The following SLC1A6 variants were observed in gnomAD, a reference collection of about 807,000 sequenced individuals.
SLC1A6 encodes the protein solute carrier family 1 member 6.
SLC1A6 carries 15 observed loss-of-function variants against 42.1 expected under a neutral mutation model. That is an observed-to-expected ratio of 0.36 (90% CI 0.24 to 0.55). The LOEUF (loss-of-function observed/expected upper bound fraction) is 0.55, where lower values mean the gene tolerates loss of function less well. SLC1A6 is among the 20% of genes least tolerant of loss of function. The probability of loss-of-function intolerance (pLI) is 0.88; values close to 1 mark genes in which losing one functional copy is unlikely to be tolerated. For missense variants in SLC1A6, 542 were observed against 772.5 expected, an observed-to-expected ratio of 0.70 and a Z score of 3.54; for synonymous variants, 317 against 319.7, an observed-to-expected ratio of 0.99 and a Z score of 0.09.
At chr19:15,006,780 G>A (rs1600044149) in intron 1 of SLC1A6, among the ~76,000 whole-genome samples, 1 of 144,202 alleles carries the variant, frequency 6.9e-6, no homozygotes, top group Admixed American at 6.9e-5. Flanking sequence ...AAAAGAAAAA[G>A]AAAAGAAAAG....
chr19:14,992,459 G>C (rs2045825039), intron 1 of SLC1A6, among the ~76,000 whole-genome samples: 1 of 152,020 alleles, frequency 6.6e-6, no homozygotes, highest in South Asian at 2.1e-4. Context: ...GCAGGGTCAC[G>C]GCCGGGTGTA....
chr19:14,971,990 A>C, intron 2 of SLC1A6, 116 bp from the exon 3 acceptor site: 1 of 943,598 alleles, frequency 1.1e-6, no homozygotes, highest in Admixed American at 2.3e-5. Flanking sequence ...GAAATATCCT[A>C]TGAGTGTGTG....
intron 1 of SLC1A6, among the ~76,000 whole-genome samples, chr19:14,988,668 C>T (rs1306346407): frequency 6.6e-6 from 1 of 152,144 alleles, no homozygotes; most frequent in East Asian, 1.9e-4. Context: ...TCTGTTGCAA[C>T]AACTTGGATG....
intron 1 of SLC1A6, among the ~76,000 whole-genome samples, chr19:14,986,132 C>T (rs1163172317): frequency 6.6e-6 from 1 of 151,398 alleles, no homozygotes; most frequent in Admixed American, 6.6e-5. Context: ...GAGACAGCTA[C>T]CATGATACTT....
At chr19:14,994,594 G>A (rs1228486079) in intron 1 of SLC1A6, among the ~76,000 whole-genome samples, 1 of 152,174 alleles carries the variant, frequency 6.6e-6, no homozygotes, top group Non-Finnish European at 1.5e-5. Flanking sequence ...CCAGAAGGTG[G>A]ATTTTTGTGG....
At position 14,951,360 on chromosome 19, in the gene SLC1A6, A is replaced by G. The variant is rs531319458; in HGVS notation, c.1500-970T>C. ...AAGCACATAGAATCCGGAATGGTAAACCAGGGCAGGCCTGAGTCAATACAG... is the reference window on the plus strand; with the variant it reads ...AAGCACATAGAATCCGGAATGGTAAGCCAGGGCAGGCCTGAGTCAATACAG... On this transcript the variant is annotated intron_variant, in intron 9 of 9. Transcript: ENST00000594383. 5.3e-5 allele frequency among the ~76,000 whole-genome samples: 8 copies of G among 152,234 alleles called. No homozygotes were observed. The South Asian group carries it at 1.7e-3, about 32-fold the overall frequency.
intron 8 of SLC1A6, among the ~76,000 whole-genome samples, 190 bp from the exon 9 acceptor site, chr19:14,953,252 C>A (rs114859274): frequency 1.4e-5 from 2 of 139,156 alleles, no homozygotes; most frequent in African/African-American, 5.4e-5. Flanking sequence ...GATCCCCACC[C>A]ACCCCGCCCC....
intron 1 of SLC1A6, among the ~76,000 whole-genome samples, chr19:14,990,458 G>A (rs942798437): frequency 1.3e-5 from 2 of 152,176 alleles, no homozygotes; most frequent in African/African-American, 2.4e-5. Context: ...AAAGGATACC[G>A]AATTTCAGTT....
chr19:14,979,050 TCACACACACACACACACACACACACACA>T lies in SLC1A6; in HGVS notation c.-8+231_-8+258del, dbSNP rs56317513. Among the ~76,000 whole-genome samples, 1 of 131,298 alleles carries T rather than the reference TCACACACACACACACACACACACACACA, an allele frequency of 7.6e-6. No individual in the cohort carries two copies. The highest frequency in any genetic ancestry group is 1.6e-5 in the Non-Finnish European group (1 of 61,950). The allele number at this position is 131,298 out of a possible 152,430, so 86.1% of individuals were successfully genotyped here. ...CAAATTCAGTCTCTCTCTCTCTCTG[TCACACACACACACACACACACACACACA>T]CACACACACACACACACACTAATGC... On this transcript the variant is annotated intron_variant, in intron 1 of 9. Coordinates refer to ENST00000594383, the MANE Select transcript of SLC1A6 (RefSeq NM_005071.3). The surrounding 1 kb of genome is among the most constrained non-coding windows in gnomAD (Gnocchi z 4.2).
rs1295328009 is a variant in SLC1A6, at chr19:14,999,366, AGCC to A, written c.6+11116_6+11118del. On this transcript the variant is annotated intron_variant, in intron 1 of 8. Coordinates refer to the SLC1A6 transcript ENST00000430939. ...TCTTTGAATCCACCTATGACCTGGA[AGCC>A]CCCCAACTCCTACCCACCTCAAGTT... Among the ~76,000 whole-genome samples the A allele has an allele frequency of 2.6e-5, 4 of 152,158 alleles. No individual in the cohort carries two copies. The East Asian group carries it at 5.8e-4, about 22-fold the overall frequency.
At chr19:14,951,253 C>CAAAAAAAAAAAAAAAAAAA (rs1164185118) in intron 9 of SLC1A6, among the ~76,000 whole-genome samples, 2 of 86,860 alleles carry the variant, frequency 2.3e-5, no homozygotes, top group African/African-American at 4.6e-5. Flanking sequence ...CTCTGTCTCA[C>CAAAAAAAAAAAAAAAAAAA]AAAAAAAAAA....
At position 15,003,660 on chromosome 19, in the gene SLC1A6, CA is replaced by C. The variant is rs371118940; in HGVS notation, c.6+6824del. 2.2e-3 allele frequency among the ~76,000 whole-genome samples: 273 copies of C among 121,942 alleles called. 2 individuals are homozygous for C. The highest frequency in any genetic ancestry group is 4.5e-3 in the Middle Eastern group (1 of 222). The allele number at this position is 121,942 out of a possible 152,430, so 80.0% of individuals were successfully genotyped here. On this transcript the variant is annotated intron_variant, in intron 1 of 8. Coordinates refer to the SLC1A6 transcript ENST00000430939. ...AGCGAAGGGCATCTCCATGTAATGC[CA>C]AAAAAAAAAAAAAGAAAGAAAAGAA...
At chr19:14,975,862 A>G in intron 1 of SLC1A6, among the ~76,000 whole-genome samples, 1 of 69,380 alleles carries the variant, frequency 1.4e-5, no homozygotes, top group Admixed American at 1.6e-4. Flanking sequence ...AAGGGAAGGG[A>G]AGGGAAGGAA....
intron 1 of SLC1A6, chr19:14,978,256 C>G (rs62113317): frequency 6.6e-6 from 1 of 152,086 alleles, no homozygotes; most frequent in Non-Finnish European, 1.5e-5. Flanking sequence ...TGGGCTGCTT[C>G]TCGGAGCCTC....
intron 3 of SLC1A6, 137 bp downstream of exon 3, chr19:14,971,600 G>C (rs2285980): frequency 0.54 from 458,298 of 846,028 alleles, 125,727 homozygotes; most frequent in East Asian, 0.69. Context: ...GGCCAAGGAC[G>C]CTGGACCAGA....
At chr19:14,988,221 G>A (rs1196998241) in intron 1 of SLC1A6, among the ~76,000 whole-genome samples, 3 of 152,184 alleles carry the variant, frequency 2.0e-5, no homozygotes, top group African/African-American at 7.2e-5. Flanking sequence ...CGTTGTATGA[G>A]GGTGAAGTTT....
At chr19:14,954,902 C>CA (rs1245602089) in intron 7 of SLC1A6, among the ~76,000 whole-genome samples, 3 of 152,142 alleles carry the variant, frequency 2.0e-5, no homozygotes, top group African/African-American at 7.2e-5. Flanking sequence ...TATCCATTTC[C>CA]AAAAAGGACA....
intron 1 of SLC1A6, among the ~76,000 whole-genome samples, chr19:15,005,975 C>T (rs768078004): frequency 2.6e-5 from 4 of 152,200 alleles, no homozygotes; most frequent in Admixed American, 2.0e-4. Context: ...GGAAGGTGGA[C>T]GTACTTCATG....
At chr19:15,007,839 A>C (rs2045903040) in intron 1 of SLC1A6, among the ~76,000 whole-genome samples, 1 of 152,130 alleles carries the variant, frequency 6.6e-6, no homozygotes, top group Admixed American at 6.6e-5. Flanking sequence ...AGCCTGGCTA[A>C]CATGGTGAAA....
Sources: allele counts gnomAD v4.1 joint callset (sites outside exome capture counted in the v4.1 genomes callset), GRCh38; gene constraint gnomAD v4.1.1; non-coding constraint Gnocchi (gnomAD v3.1); transcripts MANE v1.5; gene names NCBI Gene and HGNC (gene_info 2026-07-23, HGNC 2026-07-21).